Variants in MBNL1 observed in about 807,000 individuals in gnomAD.
MBNL1 encodes muscleblind-like protein 1.
A neutral mutation model predicts 42.2 loss-of-function variants in MBNL1; 8 were observed. That is an observed-to-expected ratio of 0.19 (90% CI 0.11 to 0.34). The LOEUF is 0.34. MBNL1 is among the 10% of genes least tolerant of loss of function. MBNL1 has a pLI of 1.00. For synonymous variants in MBNL1, 169 were observed against 173.9 expected, an observed-to-expected ratio of 0.97 and a Z score of 0.22; for missense variants, 309 against 495.3, an observed-to-expected ratio of 0.62 and a Z score of 3.57.
intron 2 of MBNL1, among the ~76,000 whole-genome samples, chr3:152,355,402 T>G (rs763239700): frequency 4.6e-5 from 7 of 152,224 alleles, no homozygotes; most frequent in Non-Finnish European, 7.3e-5. Context: ...ATACATAAAT[T>G]TTACACAAAT....
At position 152,300,323 on chromosome 3, in the gene MBNL1, C is replaced by G; in HGVS notation, c.130C>G (p.Gln44Glu). The G allele has an allele frequency of 6.2e-7, 1 of 1,613,962 alleles. No individual in the cohort carries two copies. The highest frequency in any genetic ancestry group is 8.5e-7 in the Non-Finnish European group (1 of 1,179,896). The change falls in exon 2 of 10, where the codon CAA becomes GAA. Residue 44 changes from glutamine to glutamate, a missense_variant. Transcript: ENST00000324210. The part of the protein sequence containing the change: ...CKFAHPSKSC[Q>E]VENGRVIACF... Reference sequence around the variant, plus strand: ...ATTTGCACATCCTTCGAAAAGCTGCCAAGTTGAAAATGGACGAGTAATCGC... The same window carrying G: ...ATTTGCACATCCTTCGAAAAGCTGCGAAGTTGAAAATGGACGAGTAATCGC...
intron 2 of MBNL1, among the ~76,000 whole-genome samples, chr3:152,250,334 C>T (rs1462914812): frequency 3.3e-5 from 5 of 151,568 alleles, no homozygotes; most frequent in South Asian, 2.1e-4. Context: ...AGGTCCTTCA[C>T]GTCCCTTGTA....
intron 2 of MBNL1, among the ~76,000 whole-genome samples, chr3:152,372,189 T>C (rs2096695113): frequency 6.6e-6 from 1 of 152,238 alleles, no homozygotes; most frequent in Non-Finnish European, 1.5e-5. Flanking sequence ...GTTATTCTAG[T>C]TAGCAATTCT....
chr3:152,286,117 T>C (rs2051556305), intron 1 of MBNL1, among the ~76,000 whole-genome samples: 1 of 151,394 alleles, frequency 6.6e-6, no homozygotes, highest in African/African-American at 2.4e-5. Flanking sequence ...TGGTTCTTTT[T>C]CCCCCATTAA....
At chr3:152,326,573 A>G (rs1245086728) in intron 2 of MBNL1, among the ~76,000 whole-genome samples, 1 of 152,100 alleles carries the variant, frequency 6.6e-6, no homozygotes, top group Non-Finnish European at 1.5e-5. Context: ...TGCGTTTATT[A>G]TCAAGAATTT....
chr3:152,247,330 A>G (rs929433247), intron 2 of MBNL1, among the ~76,000 whole-genome samples: 2 of 152,086 alleles, frequency 1.3e-5, no homozygotes, highest in East Asian at 3.8e-4. Flanking sequence ...CTATATTTGC[A>G]TATTCACATA....
chr3:152,390,559 T>C (rs2097667343), intron 2 of MBNL1, among the ~76,000 whole-genome samples: 1 of 151,586 alleles, frequency 6.6e-6, no homozygotes, highest in African/African-American at 2.4e-5. Flanking sequence ...AGTAAACCAG[T>C]AGCACAATCA....
chr3:152,429,242 T>G (rs1342667762), intron 3 of MBNL1, among the ~76,000 whole-genome samples: 1 of 152,232 alleles, frequency 6.6e-6, no homozygotes, highest in African/African-American at 2.4e-5. Context: ...CATAGTTAAC[T>G]GGGGTCATAA....
intron 2 of MBNL1, among the ~76,000 whole-genome samples, chr3:152,262,380 T>C (rs1393573780): frequency 1.3e-5 from 2 of 152,070 alleles, no homozygotes; most frequent in Non-Finnish European, 2.9e-5. Flanking sequence ...GAAGGTAATT[T>C]CAGGAAACTC....
intron 2 of MBNL1, among the ~76,000 whole-genome samples, chr3:152,382,530 G>A (rs536498076): frequency 1.3e-5 from 2 of 152,164 alleles, no homozygotes; most frequent in African/African-American, 4.8e-5. Flanking sequence ...TAAAAAATCA[G>A]TGAGAACAAT....
intron 2 of MBNL1, among the ~76,000 whole-genome samples, chr3:152,383,345 C>T (rs181024461): frequency 8.9e-4 from 135 of 152,116 alleles, no homozygotes; most frequent in African/African-American, 3.0e-3. Flanking sequence ...TGTAATTTCA[C>T]GTGTACAGTT....
At chr3:152,311,431 C>T (rs2066411569) in intron 2 of MBNL1, among the ~76,000 whole-genome samples, 1 of 152,134 alleles carries the variant, frequency 6.6e-6, no homozygotes, top group Non-Finnish European at 1.5e-5. Context: ...TAAATCTTTA[C>T]AAGTTGTACT....
intron 4 of MBNL1, among the ~76,000 whole-genome samples, chr3:152,436,841 C>G (rs376557500): frequency 2.6e-5 from 4 of 152,176 alleles, no homozygotes; most frequent in African/African-American, 9.6e-5. Flanking sequence ...ACAACTGCAT[C>G]AACTGTCATT....
intron 2 of MBNL1, among the ~76,000 whole-genome samples, chr3:152,332,929 AC>A (rs755678958): frequency 2.0e-5 from 3 of 152,116 alleles, no homozygotes; most frequent in Non-Finnish European, 4.4e-5. Flanking sequence ...ACTGAAATTA[AC>A]CCAGATGGCC....
intron 2 of MBNL1, among the ~76,000 whole-genome samples, chr3:152,332,872 G>C (rs1219902110): frequency 6.6e-6 from 1 of 152,096 alleles, no homozygotes; most frequent in African/African-American, 2.4e-5. Context: ...TATTCTTCTG[G>C]CTTCTCAGTC....
intron 2 of MBNL1, among the ~76,000 whole-genome samples, chr3:152,389,072 C>G (rs1001900322): frequency 1.3e-5 from 2 of 151,974 alleles, no homozygotes; most frequent in South Asian, 2.1e-4. Flanking sequence ...TTATACATAC[C>G]CTTTTTATAC....
rs1553840979 is a variant in MBNL1, at chr3:152,332,741, C to CGCGCGT, written c.174+32379_174+32380insTGCGCG. On this transcript the variant is annotated intron_variant, in intron 2 of 9. Transcript: ENST00000324210. Reference sequence around the variant, plus strand: ...GTGTGTGTGTGTGTGTGTGTGTGTGCGCGCGCGCATGCGCACACACTAGTT... The same window carrying CGCGCGT: ...GTGTGTGTGTGTGTGTGTGTGTGTGCGCGCGTGCGCGCGCATGCGCACACACTAGTT... Among the ~76,000 whole-genome samples the CGCGCGT allele has an allele frequency of 2.5e-5, 2 of 80,128 alleles. 1 individual carries two copies. Among genetic ancestry groups the CGCGCGT allele is most frequent in the African/African-American group, 1.2e-4 (2 of 16,416 alleles). The allele number at this position is 80,128 out of a possible 152,430, so 52.6% of individuals were successfully genotyped here. A position where few individuals can be genotyped will look rare whatever the true frequency, so the allele number is the denominator to read the frequency against.
At chr3:152,294,000 TAAG>T (rs140923513) in intron 1 of MBNL1, among the ~76,000 whole-genome samples, 17,187 of 152,036 alleles carry the variant, frequency 0.11, 1,169 homozygotes, top group Middle Eastern at 0.18. Flanking sequence ...GTTGAAAGAA[TAAG>T]AATAATTTCA....
chr3:152,269,536 G>A (rs1476307184), intron 1 of MBNL1: 1 of 455,430 alleles, frequency 2.2e-6, no homozygotes, highest in South Asian at 1.6e-5. Flanking sequence ...CATCCCGCCC[G>A]GTTTTCATCT....
Sources: allele counts gnomAD v4.1 joint callset (sites outside exome capture counted in the v4.1 genomes callset), GRCh38; gene constraint gnomAD v4.1.1; transcripts MANE v1.5; gene names NCBI Gene and HGNC (gene_info 2026-07-23, HGNC 2026-07-21).